STX8: variants seen among roughly 807,000 people sequenced by gnomAD.
STX8 encodes the protein syntaxin 8.
In STX8, 23 loss-of-function variants were observed where a neutral mutation model predicts 37.5. That is an observed-to-expected ratio of 0.61 (90% CI 0.44 to 0.87). The LOEUF is 0.87. Among genes scored for constraint, STX8 ranks in the 40% least tolerant of loss-of-function variants. STX8 has a pLI of 0.00. For synonymous variants in STX8, 115 were observed against 99.1 expected (o/e 1.16, Z -0.95); for missense variants, 313 against 284.7 (o/e 1.10, Z -0.71).
chr17:9,308,671 C>T (rs980004271), intron 7 of STX8, among the ~76,000 whole-genome samples: 3 of 142,938 alleles, frequency 2.1e-5, no homozygotes, highest in African/African-American at 7.8e-5. Flanking sequence ...TGCAGTGAGC[C>T]GAGATCGTGC....
In STX8 at chr17:9,460,083, C is replaced by T. The variant is rs185744239; in HGVS notation, c.541+31746G>A. Among the ~76,000 whole-genome samples, 43 of 152,250 alleles carry T rather than the reference C, an allele frequency of 2.8e-4. 1 individual carries two copies. The East Asian group carries it at 7.9e-3, about 28-fold the overall frequency. ...GACAATGGCTTCATAAAGGGCACAA[C>T]AAGAAACTATCCTGTGATACCAGTA... is the stretch of plus-strand genomic sequence containing the variant. On this transcript the variant is annotated intron_variant, in intron 6 of 7. Transcript: ENST00000306357.
intron 6 of STX8, among the ~76,000 whole-genome samples, chr17:9,395,515 T>C (rs1424337802): frequency 6.6e-6 from 1 of 152,070 alleles, no homozygotes. Flanking sequence ...GAGGCAGAGG[T>C]TGCAGTGAGC....
intron 7 of STX8, among the ~76,000 whole-genome samples, chr17:9,345,848 CTTTTT>C (rs545020159): frequency 5.8e-5 from 3 of 52,076 alleles, no homozygotes; most frequent in African/African-American, 1.4e-4. Flanking sequence ...TTATGCATTC[CTTTTT>C]TTTTTTTTTT....
rs113663697 is a variant in STX8, at chr17:9,368,464, G to A, written c.643+10088C>T. ...GCTTGCACTGAGCCACTCTACTCCA[G>A]CCTGGGTGACAGAGCGAGACTCCAT... On this transcript the variant is annotated intron_variant, in intron 7 of 7. Transcript: ENST00000306357. Among the ~76,000 whole-genome samples the A allele has an allele frequency of 7.7e-3, 1,166 of 152,238 alleles. 14 individuals are homozygous for A. The highest frequency in any genetic ancestry group is 0.027 in the African/African-American group (1,119 of 41,548).
At chr17:9,385,711 A>G (rs927208285) in intron 6 of STX8, among the ~76,000 whole-genome samples, 5 of 152,202 alleles carry the variant, frequency 3.3e-5, no homozygotes, top group African/African-American at 9.7e-5. Context: ...GTATTTGTCA[A>G]TTCTCATCAA....
chr17:9,456,929 CAT>C (rs1298836022), intron 6 of STX8, among the ~76,000 whole-genome samples: 1 of 152,184 alleles, frequency 6.6e-6, no homozygotes, highest in Admixed American at 6.5e-5. Context: ...AGCAAACACT[CAT>C]TTAGAGTCCG....
At chr17:9,340,853 C>G (rs1353867335) in intron 7 of STX8, among the ~76,000 whole-genome samples, 1 of 150,202 alleles carries the variant, frequency 6.7e-6, no homozygotes, top group Non-Finnish European at 1.5e-5. Flanking sequence ...GACGGGGTTT[C>G]TCCATGTTGG....
At chr17:9,478,516 A>AG (rs2142449918) in intron 6 of STX8, among the ~76,000 whole-genome samples, 1 of 152,320 alleles carries the variant, frequency 6.6e-6, no homozygotes, top group East Asian at 1.9e-4. Flanking sequence ...ATGGAGCCCT[A>AG]GTCCTGTCCC....
chr17:9,287,134 C>T (rs866801250), intron 7 of STX8, among the ~76,000 whole-genome samples: 4 of 152,094 alleles, frequency 2.6e-5, no homozygotes, highest in Non-Finnish European at 5.9e-5. Context: ...AATGACATCC[C>T]ATCAGATACA....
At chr17:9,561,520 G>A (rs1251049803) in intron 2 of STX8, among the ~76,000 whole-genome samples, 2 of 151,806 alleles carry the variant, frequency 1.3e-5, no homozygotes, top group African/African-American at 2.4e-5. Flanking sequence ...TTAGCCAGGC[G>A]TGGTGGCGGG....
At chr17:9,266,040 T>C (rs1907220520) in intron 7 of STX8, among the ~76,000 whole-genome samples, 1 of 151,916 alleles carries the variant, frequency 6.6e-6, no homozygotes, top group Non-Finnish European at 1.5e-5. Flanking sequence ...TAGAGTGGGA[T>C]TTGGAAACAT....
At chr17:9,543,744 T>C (rs774789103) in intron 4 of STX8, among the ~76,000 whole-genome samples, 10 of 152,210 alleles carry the variant, frequency 6.6e-5, no homozygotes, top group South Asian at 2.1e-4. Context: ...CCACAGTAGA[T>C]TGGCCCAGCA....
chr17:9,370,991 G>A (rs1389741137), intron 7 of STX8, among the ~76,000 whole-genome samples: 1 of 152,028 alleles, frequency 6.6e-6, no homozygotes, highest in Non-Finnish European at 1.5e-5. Flanking sequence ...GAGGAAAAGG[G>A]AGGAAAATCC....
At chr17:9,355,371 G>C (rs1209873828) in intron 7 of STX8, among the ~76,000 whole-genome samples, 1 of 130,344 alleles carries the variant, frequency 7.7e-6, no homozygotes, top group Non-Finnish European at 1.6e-5. Context: ...GTCTCACCCT[G>C]TCACCCAGGC....
intron 6 of STX8, among the ~76,000 whole-genome samples, chr17:9,389,724 A>G (rs1323576534): frequency 6.6e-6 from 1 of 152,064 alleles, no homozygotes; most frequent in Non-Finnish European, 1.5e-5. Flanking sequence ...TTATGTTATT[A>G]TGCTTTTTGC....
intron 6 of STX8, among the ~76,000 whole-genome samples, chr17:9,450,790 G>C (rs993988058): frequency 6.6e-6 from 1 of 152,024 alleles, no homozygotes; most frequent in Non-Finnish European, 1.5e-5. Flanking sequence ...TATTTCTTAA[G>C]AAGGAATTTT....
intron 6 of STX8, among the ~76,000 whole-genome samples, chr17:9,418,555 G>A (rs1391039844): frequency 6.6e-6 from 1 of 150,932 alleles, no homozygotes; most frequent in Admixed American, 6.6e-5. Context: ...AAGGCTGGGT[G>A]CAGTGGCTCA....
chr17:9,575,764 C>A (rs2151921639), intron 1 of STX8, 28 bp downstream of exon 1: 2 of 1,546,332 alleles, frequency 1.3e-6, no homozygotes, highest in East Asian at 2.4e-5. Flanking sequence ...GGTCCCTCCA[C>A]GCACCGCCGC....
Position 9,546,590 on chromosome 17 carries a change from G to GTTTTTTTTTTTTTTTT in STX8, c.213-1309_213-1308insAAAAAAAAAAAAAAAA, listed in dbSNP as rs745424722. On this transcript the variant is annotated intron_variant, in intron 3 of 7. Transcript: ENST00000306357. ...CTTTCTTGATGCAAACTACAAAAGT[G>GTTTTTTTTTTTTTTTT]GTTTTTTTTTTTTTTTTTTTTTTTT... 4.1e-3 allele frequency among the ~76,000 whole-genome samples: 252 copies of GTTTTTTTTTTTTTTTT among 62,120 alleles called. 35 individuals are homozygous for GTTTTTTTTTTTTTTTT. Among genetic ancestry groups the GTTTTTTTTTTTTTTTT allele is most frequent in the South Asian group, 8.1e-3 (12 of 1,476 alleles). The allele number at this position is 62,120 out of a possible 152,430, so 40.8% of individuals were successfully genotyped here. A position where few individuals can be genotyped will look rare whatever the true frequency, so the allele number is the denominator to read the frequency against.
Sources: allele counts gnomAD v4.1 joint callset (sites outside exome capture counted in the v4.1 genomes callset), GRCh38; gene constraint gnomAD v4.1.1; transcripts MANE v1.5; gene names NCBI Gene and HGNC (gene_info 2026-07-23, HGNC 2026-07-21).